The following CDH4 variants were observed in gnomAD, a reference collection of about 807,000 sequenced individuals.
CDH4 encodes the protein cadherin-4.
CDH4 carries 33 observed loss-of-function variants against 86.0 expected under a neutral mutation model. The ratio of observed to expected loss-of-function variants is 0.38; its 90% CI spans 0.29 to 0.51. The LOEUF (loss-of-function observed/expected upper bound fraction) is 0.51. Among genes scored for constraint, CDH4 ranks in the 20% least tolerant of loss-of-function variants. CDH4 has a pLI of 0.86. For missense variants in CDH4, 1,114 were observed against 1,307.4 expected, an observed-to-expected ratio of 0.85 and a Z score of 2.28; for synonymous variants, 555 against 549.4, an observed-to-expected ratio of 1.01 and a Z score of -0.14.
rs753215035 is a variant in CDH4 at position 61,706,103 on chromosome 20, TGGGTGA to T, written c.170-37457_170-37452del. 2.6e-3 allele frequency among the ~76,000 whole-genome samples: 390 copies of T among 152,270 alleles called. 2 individuals are homozygous for T. The highest frequency in any genetic ancestry group is 4.6e-3 in the Non-Finnish European group (312 of 68,016). The stretch of plus-strand genomic sequence containing the variant: ...GCCCAGTGGCTTTAGCCCATGAAAC[TGGGTGA>T]GGCTGGCTGAGGAACAGCCGGCCCG... On this transcript the variant is annotated intron_variant, in intron 2 of 15. Transcript: ENST00000614565.
At position 61,417,483 on chromosome 20, in the gene CDH4, G is replaced by A. The variant is rs181923495; in HGVS notation, c.169+162546G>A. On this transcript the variant is annotated intron_variant, in intron 2 of 15. Coordinates refer to ENST00000614565, the MANE Select transcript of CDH4 (RefSeq NM_001794.5). The surrounding 1 kb of genome is among the most constrained non-coding windows in gnomAD (Gnocchi z 4.0). ...AATATCACCCACGTGAGCCAGCACC[G>A]TTGGGTCCGGAGTTGGGAGTTGGGA... is the stretch of plus-strand genomic sequence containing the variant. Among the ~76,000 whole-genome samples, 5 of 152,298 alleles carry A rather than the reference G, an allele frequency of 3.3e-5. No individual in the cohort carries two copies. The highest frequency in any genetic ancestry group is 1.9e-4 in the East Asian group (1 of 5,176).
chr20:61,424,796 G>A (rs533919228), intron 2 of CDH4, among the ~76,000 whole-genome samples: 16 of 152,338 alleles, frequency 1.1e-4, no homozygotes, highest in Admixed American at 9.8e-4. Flanking sequence ...TGTGCTGTGG[G>A]CATTTGCCCC....
At chr20:61,730,574 C>T (rs2088166985) in intron 2 of CDH4, among the ~76,000 whole-genome samples, 1 of 152,222 alleles carries the variant, frequency 6.6e-6, no homozygotes. Context: ...GTGCCAAAGT[C>T]ACCTGGTTGG....
Position 61,633,121 on chromosome 20 carries a change from C to A in CDH4, c.170-110442C>A, listed in dbSNP as rs114601967. On this transcript the variant is annotated intron_variant, in intron 2 of 15. Coordinates refer to ENST00000614565, the MANE Select transcript of CDH4 (RefSeq NM_001794.5). ...ATCCATCCATCCATCCGTCCATTCA[C>A]CCACCCATTCATGCATCCTCCCATC... 2.5e-3 allele frequency among the ~76,000 whole-genome samples: 370 copies of A among 150,798 alleles called. 2 individuals carry two copies. Among genetic ancestry groups the A allele is most frequent in the African/African-American group, 8.6e-3 (354 of 41,034 alleles).
chr20:61,396,705 G>A (rs552339197), intron 2 of CDH4, among the ~76,000 whole-genome samples: 1 of 152,194 alleles, frequency 6.6e-6, no homozygotes, highest in African/African-American at 2.4e-5. Flanking sequence ...TCACAGTTCT[G>A]GGGCCCTGCG....
chr20:61,856,294 G>C (rs934586868), intron 6 of CDH4, among the ~76,000 whole-genome samples: 1 of 152,170 alleles, frequency 6.6e-6, no homozygotes, highest in Non-Finnish European at 1.5e-5. Context: ...GAGGAACTTC[G>C]AAGGCTTGGG....
intron 2 of CDH4, among the ~76,000 whole-genome samples, chr20:61,397,879 A>G (rs935447632): frequency 6.6e-6 from 1 of 152,164 alleles, no homozygotes; most frequent in African/African-American, 2.4e-5. Flanking sequence ...TTTAGCATGA[A>G]CGCTTGGCCG....
intron 2 of CDH4, among the ~76,000 whole-genome samples, chr20:61,533,620 T>C (rs2085972817): frequency 6.6e-6 from 1 of 152,236 alleles, no homozygotes; most frequent in Admixed American, 6.5e-5. Flanking sequence ...TGCCTCACTC[T>C]GCAATTAGAG....
intron 2 of CDH4, among the ~76,000 whole-genome samples, chr20:61,470,777 T>C (rs1055502361): frequency 6.6e-6 from 1 of 152,200 alleles, no homozygotes; most frequent in Non-Finnish European, 1.5e-5. Context: ...TCAATTGCTT[T>C]TTCAGCATCA....
At chr20:61,878,065 G>A (rs1344304049) in intron 7 of CDH4, among the ~76,000 whole-genome samples, 1 of 152,082 alleles carries the variant, frequency 6.6e-6, no homozygotes, top group East Asian at 1.9e-4. Flanking sequence ...AACAGGCCCT[G>A]GCCTGCGTGA....
chr20:61,601,157 C>A (rs1328963918), intron 2 of CDH4, among the ~76,000 whole-genome samples: 1 of 152,180 alleles, frequency 6.6e-6, no homozygotes, highest in Non-Finnish European at 1.5e-5. Context: ...CCTCAGGGAG[C>A]TTTTACTCAT....
intron 2 of CDH4, among the ~76,000 whole-genome samples, chr20:61,736,371 T>A (rs2088262708): frequency 6.6e-6 from 1 of 152,160 alleles, no homozygotes; most frequent in African/African-American, 2.4e-5. Flanking sequence ...ATTCCCCAGA[T>A]GTCCACGGAA....
intron 4 of CDH4, among the ~76,000 whole-genome samples, chr20:61,828,997 C>A (rs144623023): frequency 1.3e-5 from 2 of 152,338 alleles, no homozygotes; most frequent in Non-Finnish European, 2.9e-5. Flanking sequence ...AGGGTCCACA[C>A]TCCTGTGAGA....
chr20:61,531,472 CAAA>C (rs956436259), intron 2 of CDH4, among the ~76,000 whole-genome samples: 3 of 44,096 alleles, frequency 6.8e-5, no homozygotes, highest in East Asian at 7.2e-4. Flanking sequence ...GACTGCATCT[CAAA>C]AAAAAAAAAA....
chr20:61,416,193 G>A (rs1445616604), intron 2 of CDH4, among the ~76,000 whole-genome samples: 1 of 150,552 alleles, frequency 6.6e-6, no homozygotes, highest in African/African-American at 2.5e-5. Flanking sequence ...GTAGAGACAG[G>A]GTTTCACCAT....
chr20:61,400,667 C>T (rs1054693274), intron 2 of CDH4, among the ~76,000 whole-genome samples: 1 of 152,198 alleles, frequency 6.6e-6, no homozygotes, highest in African/African-American at 2.4e-5. Context: ...TGGGATGAGC[C>T]CCCTGGGAGC....
chr20:61,422,438 A>C lies in CDH4; in HGVS notation c.169+167501A>C, dbSNP rs1423324399. 6.6e-5 allele frequency among the ~76,000 whole-genome samples: 3 copies of C among 45,680 alleles called. No homozygotes were observed. In the East Asian group the frequency reaches 2.5e-3, roughly 38 times the overall value. The allele number at this position is 45,680 out of a possible 152,430, so 30.0% of individuals were successfully genotyped here. ...AAACTCCGTCTCAAAAAAAAAAAAAAAAAAAAAAAAAAAAAAAAAAAAAAA... is the reference window on the plus strand; with the variant it reads ...AAACTCCGTCTCAAAAAAAAAAAAACAAAAAAAAAAAAAAAAAAAAAAAAA... On this transcript the variant is annotated intron_variant, in intron 2 of 15. Coordinates refer to ENST00000614565, the MANE Select transcript of CDH4 (RefSeq NM_001794.5).
intron 2 of CDH4, among the ~76,000 whole-genome samples, chr20:61,541,952 C>A (rs1269769029): frequency 6.6e-6 from 1 of 152,118 alleles, no homozygotes; most frequent in Non-Finnish European, 1.5e-5. Context: ...GGCTGTGTGG[C>A]CTGGTTTGAG....
intron 8 of CDH4, among the ~76,000 whole-genome samples, chr20:61,900,047 T>A (rs142173019): frequency 5.9e-4 from 90 of 152,154 alleles, no homozygotes; most frequent in African/African-American, 2.0e-3. Flanking sequence ...GAAGTGACCC[T>A]CCTGGCCAGG....
Sources: gnomAD v4.1 joint callset for allele counts (sites outside exome capture counted in the v4.1 genomes callset) on GRCh38, gnomAD v4.1.1 for gene constraint, Gnocchi (gnomAD v3.1) non-coding constraint, MANE v1.5 for transcripts, NCBI Gene and HGNC (gene_info 2026-07-23, HGNC 2026-07-21) for gene names.